Variants in PRTG observed in about 807,000 individuals in gnomAD.
PRTG encodes immunoglobulin superfamily, DCC subclass, member 5.
PRTG carries 67 observed loss-of-function variants against 122.5 expected under a neutral mutation model. That is an observed-to-expected ratio of 0.55 (90% CI 0.45 to 0.67). The LOEUF is 0.67. Among genes scored for constraint, PRTG ranks in the 30% least tolerant of loss-of-function variants. The probability of loss-of-function intolerance (pLI) is 0.00; values close to 1 mark genes in which losing one functional copy is unlikely to be tolerated. For missense variants in PRTG, 1,435 were observed against 1,415.4 expected, an observed-to-expected ratio of 1.01 and a Z score of -0.22; for synonymous variants, 554 against 501.1, an observed-to-expected ratio of 1.11 and a Z score of -1.41.
At chr15:55,661,399 T>C (rs1221625853) in intron 11 of PRTG, among the ~76,000 whole-genome samples, 1 of 152,146 alleles carries the variant, frequency 6.6e-6, no homozygotes, top group Non-Finnish European at 1.5e-5. Flanking sequence ...CATGAAATAA[T>C]GGAACTTCCT....
At position 55,614,261 on chromosome 15, in the gene PRTG, G is replaced by C. The variant is rs1319758686; in HGVS notation, c.*5751C>G. On this transcript the variant is annotated 3_prime_UTR_variant, in exon 20 of 20. Transcript: ENST00000389286. ...GATTGGAACCAAAAAAGAATGACAA[G>C]AAAGATCAAATTTCCTAGGAAATGT... is the stretch of plus-strand genomic sequence containing the variant. The C allele has an allele frequency of 6.6e-6, 1 of 152,048 alleles. No individual in the cohort carries two copies. The highest frequency in any genetic ancestry group is 2.4e-5 in the African/African-American group (1 of 41,418). 9.4% of individuals were successfully genotyped at this position (152,048 alleles called of 1,614,324 possible). A position where few individuals can be genotyped will look rare whatever the true frequency, so the allele number is the denominator to read the frequency against.
chr15:55,632,263 T>C (rs1397885204), intron 15 of PRTG, among the ~76,000 whole-genome samples: 2 of 152,228 alleles, frequency 1.3e-5, no homozygotes, highest in Non-Finnish European at 2.9e-5. Flanking sequence ...CCCACATCAA[T>C]CTACAAGCAT....
intron 2 of PRTG, among the ~76,000 whole-genome samples, chr15:55,692,275 G>A (rs1482174468): frequency 6.6e-6 from 1 of 152,114 alleles, no homozygotes; most frequent in Non-Finnish European, 1.5e-5. Flanking sequence ...GAGGTAGGGA[G>A]ACTAACTAGT....
intron 2 of PRTG, among the ~76,000 whole-genome samples, chr15:55,727,928 G>A (rs1011673919): frequency 2.0e-5 from 3 of 152,110 alleles, no homozygotes; most frequent in South Asian, 4.1e-4. Context: ...GAAGTGGCAC[G>A]ATCTTGGCTC....
chr15:55,692,428 G>A (rs1190875551), intron 2 of PRTG, among the ~76,000 whole-genome samples: 1 of 152,158 alleles, frequency 6.6e-6, no homozygotes, highest in African/African-American at 2.4e-5. Flanking sequence ...GGAGACCGAG[G>A]AAAGGATCCA....
At chr15:55,634,598 T>C (rs1166573086) in intron 15 of PRTG, among the ~76,000 whole-genome samples, 1 of 151,934 alleles carries the variant, frequency 6.6e-6, no homozygotes, top group African/African-American at 2.4e-5. Context: ...CCTAGCACTT[T>C]GGGAGGCTGA....
intron 16 of PRTG, 117 bp from the exon 17 acceptor site, chr15:55,627,245 A>G (rs1386538850): frequency 7.3e-6 from 4 of 545,026 alleles, no homozygotes; most frequent in East Asian, 3.4e-5. Context: ...AAGTTTTGAC[A>G]TTGTCAACAT....
intron 2 of PRTG, among the ~76,000 whole-genome samples, chr15:55,690,268 C>G (rs2059593353): frequency 6.6e-6 from 1 of 152,180 alleles, no homozygotes; most frequent in Non-Finnish European, 1.5e-5. Context: ...TTAAAGTAAT[C>G]TCTTCTAAAT....
At chr15:55,671,023 AACTGAATGCAG>A (rs1192978828) in intron 11 of PRTG, among the ~76,000 whole-genome samples, 3 of 152,148 alleles carry the variant, frequency 2.0e-5, no homozygotes, top group Non-Finnish European at 2.9e-5. Flanking sequence ...AAACTTACTT[AACTGAATGCAG>A]ATTAAATTAA....
At chr15:55,645,311 G>A (rs368822695) in intron 11 of PRTG, among the ~76,000 whole-genome samples, 1 of 148,690 alleles carries the variant, frequency 6.7e-6, no homozygotes. Flanking sequence ...GCGCGTGCCT[G>A]TAGTCCCAGC....
intron 1 of PRTG, among the ~76,000 whole-genome samples, chr15:55,741,775 A>G (rs1329093163): frequency 1.3e-5 from 2 of 152,158 alleles, no homozygotes; most frequent in Non-Finnish European, 2.9e-5. Flanking sequence ...GCTTCCCGTA[A>G]TGTATGCCCA....
chr15:55,738,703 C>G (rs1330672545), intron 2 of PRTG: 1 of 390,004 alleles, frequency 2.6e-6, no homozygotes, highest in Non-Finnish European at 4.5e-6. Flanking sequence ...TAATTATTGG[C>G]CAATGATTAC....
intron 2 of PRTG, among the ~76,000 whole-genome samples, chr15:55,730,159 C>A (rs187957789): frequency 9.2e-5 from 14 of 152,132 alleles, no homozygotes; most frequent in Non-Finnish European, 1.6e-4. Flanking sequence ...TGGAGTGCAG[C>A]GGCATGACCT....
At chr15:55,676,006 G>T (rs1378005649) in intron 8 of PRTG, among the ~76,000 whole-genome samples, 11 of 152,058 alleles carry the variant, frequency 7.2e-5, no homozygotes, top group South Asian at 4.1e-4. Flanking sequence ...ACAGAATATT[G>T]TAATTCATAA....
chr15:55,714,742 G>A (rs776972235), intron 2 of PRTG, among the ~76,000 whole-genome samples: 10 of 152,138 alleles, frequency 6.6e-5, no homozygotes, highest in African/African-American at 9.7e-5. Context: ...GCTGTGAGAT[G>A]ATTTTTTCTA....
chr15:55,621,455 A>C (rs1386543941), intron 18 of PRTG, among the ~76,000 whole-genome samples: 1 of 152,186 alleles, frequency 6.6e-6, no homozygotes, highest in Non-Finnish European at 1.5e-5. Context: ...CAGGAGATCT[A>C]GACCATCCTG....
In PRTG at chr15:55,615,479, A is replaced by G. The variant is rs2059138004; in HGVS notation, c.*4533T>C. ...TAGCCTGTGATCTTATGTCCTGAGCATAAATCAACTTAACACAGAACTCTA... is the reference window on the plus strand; with the variant it reads ...TAGCCTGTGATCTTATGTCCTGAGCGTAAATCAACTTAACACAGAACTCTA... On this transcript the variant is annotated 3_prime_UTR_variant, in exon 20 of 20. Coordinates refer to ENST00000389286, the MANE Select transcript of PRTG (RefSeq NM_173814.6). 6.6e-6 allele frequency: 1 copy of G among 152,158 alleles called. No homozygotes were observed. 9.4% of individuals were successfully genotyped at this position (152,158 alleles called of 1,614,324 possible).
chr15:55,663,302 C>T (rs975953924), intron 11 of PRTG, among the ~76,000 whole-genome samples: 2 of 152,190 alleles, frequency 1.3e-5, no homozygotes, highest in African/African-American at 4.8e-5. Flanking sequence ...CCCTGGTCAT[C>T]TGATCTCAAA....
rs138693319 is a variant in PRTG, at chr15:55,620,303, G to T, written c.3199-37C>A. Reference sequence around the variant, plus strand: ...AAGATAAGATGGCAATGAGATACCAGACTGATCGAATCCACGAGCAAAAGC... The same window carrying T: ...AAGATAAGATGGCAATGAGATACCATACTGATCGAATCCACGAGCAAAAGC... On this transcript the variant is annotated intron_variant, in intron 19 of 19. Coordinates refer to ENST00000389286, the MANE Select transcript of PRTG (RefSeq NM_173814.6). 2.5e-6 allele frequency: 4 copies of T among 1,602,424 alleles called. No individual in the cohort carries two copies. The African/African-American group carries it at 4.0e-5, about 16-fold the overall frequency.
Sources: gnomAD v4.1 joint callset for allele counts (sites outside exome capture counted in the v4.1 genomes callset) on GRCh38, gnomAD v4.1.1 for gene constraint, MANE v1.5 for transcripts, NCBI Gene and HGNC (gene_info 2026-07-23, HGNC 2026-07-21) for gene names.